Variants in CNTN4 observed in about 807,000 individuals in gnomAD.
CNTN4 encodes contactin-4.
In CNTN4, 77 loss-of-function variants were observed where a neutral mutation model predicts 122.5. The ratio of observed to expected loss-of-function variants is 0.63; its 90% CI spans 0.52 to 0.76. The LOEUF is 0.76. Ranked by LOEUF, CNTN4 falls within the 30% of genes least tolerant of loss-of-function variation. CNTN4 has a pLI of 0.00. For missense variants in CNTN4, 1,256 were observed against 1,259.1 expected, an observed-to-expected ratio of 1.00 and a Z score of 0.04; for synonymous variants, 512 against 447.0, an observed-to-expected ratio of 1.15 and a Z score of -1.83.
At chr3:2,449,050 C>T (rs2048729415) in intron 3 of CNTN4, among the ~76,000 whole-genome samples, 3 of 152,042 alleles carry the variant, frequency 2.0e-5, no homozygotes, top group Admixed American at 2.0e-4. Flanking sequence ...TCAGAGAGTG[C>T]ATATTACTTA....
intron 7 of CNTN4, among the ~76,000 whole-genome samples, chr3:2,822,277 A>C (rs1308930408): frequency 6.6e-6 from 1 of 152,236 alleles, no homozygotes; most frequent in African/African-American, 2.4e-5. Flanking sequence ...ATTATTTGAT[A>C]CTGGGAAAAT....
Position 2,841,065 on chromosome 3 carries a change from G to A in CNTN4, c.454+21484G>A, listed in dbSNP as rs994682676. 2.0e-5 allele frequency among the ~76,000 whole-genome samples: 3 copies of A among 152,098 alleles called. No homozygotes were observed. The highest frequency in any genetic ancestry group is 4.4e-5 in the Non-Finnish European group (3 of 68,018). ...ATCAAAGAGTGAGGAAAAAAGTCAA[G>A]GATCTTCAAAATCATACATGACTGA... On this transcript the variant is annotated intron_variant, in intron 7 of 24. Coordinates refer to ENST00000418658, the MANE Select transcript of CNTN4 (RefSeq NM_175607.3). This position sits in a 1 kb window ranked among gnomAD's most constrained non-coding sequence, Gnocchi z 4.8.
intron 12 of CNTN4, among the ~76,000 whole-genome samples, chr3:2,905,622 G>C (rs1318212504): frequency 1.3e-5 from 2 of 152,250 alleles, no homozygotes; most frequent in Non-Finnish European, 2.9e-5. Flanking sequence ...TCAGACTATA[G>C]CAGTAGAGCA....
At chr3:2,719,821 G>T (rs985550085) in intron 4 of CNTN4, among the ~76,000 whole-genome samples, 2 of 152,124 alleles carry the variant, frequency 1.3e-5, no homozygotes. Flanking sequence ...TTCTCTCAAA[G>T]ACCTTCCAGA....
At chr3:2,322,109 A>G (rs1575368677) in intron 2 of CNTN4, among the ~76,000 whole-genome samples, 1 of 152,202 alleles carries the variant, frequency 6.6e-6, no homozygotes, top group African/African-American at 2.4e-5. Context: ...GATTGTCTGT[A>G]TGATAAAGTA....
chr3:2,626,298 C>A (rs918030449), intron 4 of CNTN4, among the ~76,000 whole-genome samples: 6 of 152,018 alleles, frequency 3.9e-5, no homozygotes, highest in African/African-American at 1.4e-4. Context: ...TCGAGACCAT[C>A]CTGGCTAACA....
At chr3:2,973,539 T>C (rs1693131874) in intron 13 of CNTN4, among the ~76,000 whole-genome samples, 1 of 152,008 alleles carries the variant, frequency 6.6e-6, no homozygotes, top group South Asian at 2.1e-4. Context: ...AACTAAGTAA[T>C]CTCTGACCTC....
intron 2 of CNTN4, among the ~76,000 whole-genome samples, chr3:2,253,209 A>C (rs1027256163): frequency 6.6e-6 from 1 of 152,152 alleles, no homozygotes; most frequent in African/African-American, 2.4e-5. Flanking sequence ...AATCGTATTG[A>C]AGAACGTTGT....
intron 2 of CNTN4, among the ~76,000 whole-genome samples, chr3:2,179,479 G>A (rs754197574): frequency 2.1e-4 from 32 of 151,906 alleles, no homozygotes; most frequent in Non-Finnish European, 3.8e-4. Flanking sequence ...ATGGATGAAC[G>A]CTTTCCCTGT....
chr3:2,730,722 G>A (rs373909927), intron 4 of CNTN4, among the ~76,000 whole-genome samples: 2 of 152,102 alleles, frequency 1.3e-5, no homozygotes, highest in Non-Finnish European at 2.9e-5. Context: ...CTGTGGGCTT[G>A]ATATTTGGGC....
intron 2 of CNTN4, among the ~76,000 whole-genome samples, chr3:2,106,278 G>C (rs1442898319): frequency 6.6e-6 from 1 of 152,224 alleles, no homozygotes. Flanking sequence ...ATTAGGCAGT[G>C]TCCCAGTGGT....
chr3:2,408,812 G>A (rs2047126715), intron 3 of CNTN4, among the ~76,000 whole-genome samples: 1 of 152,122 alleles, frequency 6.6e-6, no homozygotes, highest in South Asian at 2.1e-4. Flanking sequence ...TGCAAGAAGG[G>A]ATTCCAGATG....
chr3:2,817,138 C>G (rs2092754539), intron 6 of CNTN4, among the ~76,000 whole-genome samples: 1 of 152,328 alleles, frequency 6.6e-6, no homozygotes, highest in African/African-American at 2.4e-5. Context: ...ACAGCTTGCT[C>G]TAGTGTGCGT....
intron 3 of CNTN4, among the ~76,000 whole-genome samples, chr3:2,430,736 G>T (rs1298739253): frequency 8.6e-5 from 13 of 151,870 alleles, no homozygotes; most frequent in Admixed American, 8.5e-4. Context: ...TCAGTTTTTG[G>T]AAAAGGCTAA....
At chr3:2,457,896 A>G (rs73804597) in intron 3 of CNTN4, among the ~76,000 whole-genome samples, 5,104 of 152,188 alleles carry the variant, frequency 0.034, 282 homozygotes, top group African/African-American at 0.12. Context: ...CCACTTGGCC[A>G]TGCTGAGGGC....
At chr3:2,678,043 A>C (rs1234043785) in intron 4 of CNTN4, among the ~76,000 whole-genome samples, 1 of 152,150 alleles carries the variant, frequency 6.6e-6, no homozygotes, top group Non-Finnish European at 1.5e-5. Context: ...GTTTTCTTAA[A>C]GACTGGCATT....
intron 3 of CNTN4, among the ~76,000 whole-genome samples, chr3:2,439,003 T>G (rs895671977): frequency 6.6e-6 from 1 of 152,232 alleles, no homozygotes; most frequent in African/African-American, 2.4e-5. Context: ...CAGGCTAGAC[T>G]GTGGCCATGG....
At chr3:2,974,907 A>AT (rs1559740197) in intron 13 of CNTN4, among the ~76,000 whole-genome samples, 1 of 152,202 alleles carries the variant, frequency 6.6e-6, no homozygotes, top group Non-Finnish European at 1.5e-5. Flanking sequence ...AAATTAAAAC[A>AT]TTTTTTGTTT....
chr3:2,235,706 A>C (rs2039656861), intron 2 of CNTN4, among the ~76,000 whole-genome samples: 1 of 152,154 alleles, frequency 6.6e-6, no homozygotes, highest in Non-Finnish European at 1.5e-5. Flanking sequence ...AATTTTGTTA[A>C]TTTAGAAGTA....
Sources: allele counts gnomAD v4.1 joint callset (sites outside exome capture counted in the v4.1 genomes callset), GRCh38; gene constraint gnomAD v4.1.1; non-coding constraint Gnocchi (gnomAD v3.1); transcripts MANE v1.5; gene names NCBI Gene and HGNC (gene_info 2026-07-23, HGNC 2026-07-21).